Variants in MTM1 observed in about 807,000 individuals in gnomAD.
MTM1 encodes myotubularin 1, also known as myotubularin.
Under a neutral mutation model 52.1 loss-of-function variants are expected in MTM1, and 9 were observed. The observed-to-expected ratio is 0.17, with a 90% confidence interval of 0.10 to 0.30. The LOEUF (loss-of-function observed/expected upper bound fraction) is 0.30, where lower values mean the gene tolerates loss of function less well. MTM1 is among the 10% of genes least tolerant of loss of function. MTM1 has a pLI of 1.00. For missense variants in MTM1, 277 were observed against 470.7 expected, an observed-to-expected ratio of 0.59 and a Z score of 3.81; for synonymous variants, 136 against 163.8, an observed-to-expected ratio of 0.83 and a Z score of 1.29.
At chrX:150,657,752 G>A in intron 10 of MTM1, 69 bp from the exon 11 acceptor site, 1 of 1,024,578 alleles carries the variant, frequency 9.8e-7, no homozygotes, top group South Asian at 1.9e-5. Flanking sequence ...CTTTTTCTAA[G>A]TTTAAAAACT....
At chrX:150,564,445 C>T (rs782433536), upstream of MTM1, among the ~76,000 whole-genome samples, 1 of 111,518 alleles carries the variant, frequency 9.0e-6, no homozygotes, top group Non-Finnish European at 1.9e-5. Context: ...TGCAGTGGCA[C>T]GATCTCGGCT....
In MTM1 at chrX:150,583,396, T is replaced by A. The variant is rs1489816934; in HGVS notation, c.-10-9209T>A. On this transcript the variant is annotated intron_variant, in intron 1 of 14. Coordinates refer to ENST00000370396, the MANE Select transcript of MTM1 (RefSeq NM_000252.3). Reference sequence around the variant, plus strand: ...TATATTATATATAATATAATATATATAAATTATATATATTATATTATATAT... The same window carrying A: ...TATATTATATATAATATAATATATAAAAATTATATATATTATATTATATAT... Among the ~76,000 whole-genome samples the A allele has an allele frequency of 3.4e-4, 11 of 32,388 alleles. 3 individuals carry two copies. The highest frequency in any genetic ancestry group is 1.5e-3 in the Admixed American group (2 of 1,341). The allele number at this position is 32,388 out of a possible 115,157, so 28.1% of individuals were successfully genotyped here.
At chrX:150,664,187 C>T (rs2040268521) in intron 14 of MTM1, among the ~76,000 whole-genome samples, 1 of 112,785 alleles carries the variant, frequency 8.9e-6, no homozygotes, top group Admixed American at 9.4e-5. Context: ...ATTCTCCCAC[C>T]TCCACTCCAT....
chrX:150,668,977 G>A (rs782213385), intron 14 of MTM1, among the ~76,000 whole-genome samples: 1 of 110,421 alleles, frequency 9.1e-6, no homozygotes, highest in East Asian at 2.9e-4. Flanking sequence ...AGGTATACGT[G>A]TGCCATAGTG....
chrX:150,658,107 G>A (rs1557414527), intron 11 of MTM1, 80 bp downstream of exon 11: 1 of 813,877 alleles, frequency 1.2e-6, no homozygotes. Context: ...TACATATTCA[G>A]TATTACAATG....
chrX:150,612,512 T>G (rs2039301512), intron 4 of MTM1, among the ~76,000 whole-genome samples: 1 of 110,068 alleles, frequency 9.1e-6, no homozygotes, highest in Non-Finnish European at 1.9e-5. Flanking sequence ...GACAACATAG[T>G]GAGACCCCCC....
At chrX:150,640,126 G>A (rs2039823607) in intron 7 of MTM1, among the ~76,000 whole-genome samples, 1 of 111,667 alleles carries the variant, frequency 9.0e-6, no homozygotes, top group African/African-American at 3.3e-5. Flanking sequence ...TAGCTACTGA[G>A]GCGGAAGAAG....
intron 1 of MTM1, chrX:150,590,918 T>C: frequency 3.2e-6 from 1 of 309,385 alleles, no homozygotes; most frequent in Non-Finnish European, 4.3e-6. Context: ...GCCCCTAATA[T>C]ATAGTCTTGT....
chrX:150,669,574 G>A (rs1205054857), intron 14 of MTM1, among the ~76,000 whole-genome samples: 1 of 111,826 alleles, frequency 8.9e-6, no homozygotes, highest in African/African-American at 3.3e-5. Context: ...ACTGGCATGA[G>A]ATGGTATCTC....
intron 4 of MTM1, among the ~76,000 whole-genome samples, chrX:150,604,097 G>T (rs1248067944): frequency 8.9e-6 from 1 of 111,754 alleles, no homozygotes; most frequent in African/African-American, 3.3e-5. Context: ...AGGAGCCCCA[G>T]CGAGAACAGA....
At chrX:150,628,565 A>G (rs1399594407) in intron 6 of MTM1, among the ~76,000 whole-genome samples, 6 of 111,121 alleles carry the variant, frequency 5.4e-5, no homozygotes, top group African/African-American at 2.0e-4. Context: ...TAGCTGTTAT[A>G]GAACTTCAAG....
At chrX:150,654,033 C>T in intron 10 of MTM1, among the ~76,000 whole-genome samples, 1 of 111,834 alleles carries the variant, frequency 8.9e-6, no homozygotes, top group East Asian at 2.8e-4. Flanking sequence ...AGGTTTCAGG[C>T]CCAGGTCTTC....
In MTM1 at chrX:150,661,882, T is replaced by C. The variant is rs782768787; in HGVS notation, c.1467+1398T>C. ...GTATGGTAATTATAGTTAATAATAA[T>C]GTATATTTGAAATTTGCTAAAATAA... is the stretch of plus-strand genomic sequence containing the variant. On this transcript the variant is annotated intron_variant, in intron 13 of 14. Coordinates refer to ENST00000370396, the MANE Select transcript of MTM1 (RefSeq NM_000252.3). 7.1e-5 allele frequency among the ~76,000 whole-genome samples: 8 copies of C among 111,993 alleles called. No individual in the cohort carries two copies. The South Asian group carries it at 2.6e-3, about 36-fold the overall frequency.
chrX:150,563,306 T>C, the MTM1 span, among the ~76,000 whole-genome samples: 2 of 5,346 alleles, frequency 3.7e-4, no homozygotes, highest in African/African-American at 8.0e-4. Flanking sequence ...AAATCTCAGC[T>C]TTTTTTTTTT....
Position 150,601,888 on chromosome X carries a change from G to A in MTM1, c.231+3202G>A, listed in dbSNP as rs143799208. Reference sequence around the variant, plus strand: ...TGACTCACATCACTTCTTCCCAAGTGCATTGTTCTCAAACTACGCAGAGCC... The same window carrying A: ...TGACTCACATCACTTCTTCCCAAGTACATTGTTCTCAAACTACGCAGAGCC... On this transcript the variant is annotated intron_variant, in intron 4 of 14. Transcript: ENST00000370396. Among the ~76,000 whole-genome samples the A allele has an allele frequency of 1.0e-2, 1,120 of 112,082 alleles. 13 individuals carry two copies. The highest frequency in any genetic ancestry group is 0.034 in the African/African-American group (1,057 of 30,861).
chrX:150,584,983 T>A (rs2038757726), intron 1 of MTM1, among the ~76,000 whole-genome samples: 1 of 110,808 alleles, frequency 9.0e-6, no homozygotes, highest in Non-Finnish European at 1.9e-5. Flanking sequence ...TGATCCGCAG[T>A]TGGTTGAATC....
At chrX:150,583,282 AATAT>A in intron 1 of MTM1, among the ~76,000 whole-genome samples, 1 of 59,419 alleles carries the variant, frequency 1.7e-5, no homozygotes. Context: ...ATAAATTATA[AATAT>A]ATATAAATTA....
intron 3 of MTM1, among the ~76,000 whole-genome samples, chrX:150,597,527 G>GT (rs1557412631): frequency 8.9e-6 from 1 of 111,801 alleles, no homozygotes; most frequent in Non-Finnish European, 1.9e-5. Flanking sequence ...AACCCAGGTG[G>GT]TAACTAATGG....
chrX:150,603,717 A>G (rs781911599), intron 4 of MTM1, among the ~76,000 whole-genome samples: 1 of 112,345 alleles, frequency 8.9e-6, no homozygotes, highest in South Asian at 3.6e-4. Flanking sequence ...ACCACGTGGA[A>G]ATGGCTCAGA....
Sources: gnomAD v4.1 joint callset for allele counts (sites outside exome capture counted in the v4.1 genomes callset) on GRCh38, gnomAD v4.1.1 for gene constraint, MANE v1.5 for transcripts, NCBI Gene and HGNC (gene_info 2026-07-23, HGNC 2026-07-21) for gene names.